The following USB1 variants were observed in gnomAD, a reference collection of about 807,000 sequenced individuals.
USB1 encodes U6 snRNA biogenesis phosphodiesterase 1.
Under a neutral mutation model 29.9 loss-of-function variants are expected in USB1, and 21 were observed. The observed-to-expected ratio is 0.70, with a 90% CI of 0.50 to 1.01. The LOEUF is 1.01. Among genes scored for constraint, USB1 ranks in the 50% least tolerant of loss-of-function variants. The probability of loss-of-function intolerance (pLI) is 0.00; values close to 1 mark genes in which losing one functional copy is unlikely to be tolerated. For synonymous variants in USB1, 143 were observed against 134.9 expected (o/e 1.06, Z -0.42); for missense variants, 330 against 347.1 (o/e 0.95, Z 0.39).
chr16:58,011,207 A>G, intron 3 of USB1: 1 of 1,514,294 alleles, frequency 6.6e-7, no homozygotes, highest in Non-Finnish European at 8.8e-7. Flanking sequence ...CAGGAACTGG[A>G]GGCTGAGACC....
Position 58,001,580 on chromosome 16 carries a change from C to T in USB1, c.97C>T (p.Arg33Cys). 1 of 1,604,646 alleles carries T rather than the reference C, an allele frequency of 6.2e-7. No homozygotes were observed. Among genetic ancestry groups the T allele is most frequent in the East Asian group, 2.2e-5 (1 of 44,456 alleles). ...RTRPGDGSHR[R>C]GQSPLPRQRF... ...CAGGCCGGGGGATGGGAGCCACCGT[C>T]GGTGAGGAGTGAGGAAGTCTCTCCG... is the stretch of plus-strand genomic sequence containing the variant. Residue 33 changes from arginine (R) to cysteine (C), a missense_variant and splice_region_variant, in exon 1 of 7, where the codon CGT becomes TGT. Physicochemically the swap from Arg to Cys is radical, Grantham distance 180. Coordinates refer to ENST00000219281, the MANE Select transcript of USB1 (RefSeq NM_024598.4).
intron 4 of USB1, among the ~76,000 whole-genome samples, chr16:58,014,668 A>C (rs1963574605): frequency 6.6e-6 from 1 of 152,172 alleles, no homozygotes; most frequent in Admixed American, 6.5e-5. Flanking sequence ...CTGTAGTTCC[A>C]GCTACTTGGG....
intron 3 of USB1, chr16:58,012,633 C>T (rs1036383044): frequency 1.8e-5 from 24 of 1,319,078 alleles, no homozygotes; most frequent in East Asian, 6.1e-5. Context: ...TGGTCTGACC[C>T]GTCTCCTGTG....
At chr16:58,006,653 T>C (rs1963367206) in intron 2 of USB1, among the ~76,000 whole-genome samples, 1 of 152,154 alleles carries the variant, frequency 6.6e-6, no homozygotes, top group Non-Finnish European at 1.5e-5. Context: ...AGCAAGACTC[T>C]GTCTTGGGGA....
intron 3 of USB1, chr16:58,011,278 A>C (rs1218062905): frequency 9.0e-6 from 13 of 1,440,226 alleles, no homozygotes; most frequent in Non-Finnish European, 1.2e-5. Context: ...GGTGGGAGCT[A>C]CCTCACTGGG....
intron 6 of USB1, 68 bp downstream of exon 6, chr16:58,019,123 G>C: frequency 6.5e-7 from 1 of 1,538,280 alleles, no homozygotes; most frequent in Non-Finnish European, 8.9e-7. Flanking sequence ...TGCTGGAGAG[G>C]GGGAGGATGA....
chr16:58,001,577 CG>C lies in USB1; in HGVS notation c.95del (p.Arg32LeufsTer19). 6.2e-7 allele frequency: 1 copy of C among 1,605,556 alleles called. No homozygotes were observed. Among genetic ancestry groups the C allele is most frequent in the Non-Finnish European group, 8.5e-7 (1 of 1,176,634 alleles). On this transcript the variant is annotated frameshift_variant, in exon 1 of 7. Transcript: ENST00000219281. LOFTEE classifies it high-confidence loss of function. ...GACCAGGCCGGGGGATGGGAGCCAC[CG>C]TCGGTGAGGAGTGAGGAAGTCTCTC... The part of the protein sequence containing the change: ...MRTRPGDGSH[R>X]RGQSPLPRQR...
intron 2 of USB1, among the ~76,000 whole-genome samples, chr16:58,009,270 C>T (rs1046901363): frequency 2.6e-5 from 4 of 152,162 alleles, no homozygotes; most frequent in South Asian, 2.1e-4. Flanking sequence ...ACTTCCCACA[C>T]GCTTCTCAGA....
chr16:58,015,471 C>A (rs1179905709), intron 4 of USB1: 7 of 152,164 alleles, frequency 4.6e-5, no homozygotes, highest in African/African-American at 1.7e-4. Flanking sequence ...CTGAAAGGGG[C>A]CTCATTTATT....
intron 2 of USB1, among the ~76,000 whole-genome samples, chr16:58,005,362 G>A (rs769314998): frequency 6.6e-5 from 10 of 152,110 alleles, no homozygotes; most frequent in African/African-American, 1.9e-4. Flanking sequence ...TGGCACTGAC[G>A]CTACCGTTAG....
rs1357447986 is a variant in USB1, at chr16:58,013,939, T to G, written c.450-334T>G. 1 of 294,188 alleles carries G rather than the reference T, an allele frequency of 3.4e-6. No individual in the cohort carries two copies. The highest frequency in any genetic ancestry group is 7.8e-5 in the East Asian group (1 of 12,842). The allele number at this position is 294,188 out of a possible 1,614,324, so 18.2% of individuals were successfully genotyped here. A position where few individuals can be genotyped will look rare whatever the true frequency, so the allele number is the denominator to read the frequency against. ...AAGAAATGAATCAGCTGTTAAGTGG[T>G]CCATTATCACCTACTTGATCAATAA... On this transcript the variant is annotated intron_variant, in intron 3 of 6. Coordinates refer to ENST00000219281, the MANE Select transcript of USB1 (RefSeq NM_024598.4). The surrounding 1 kb of genome is among the most constrained non-coding windows in gnomAD (Gnocchi z 4.3).
At chr16:58,001,670 G>A in intron 1 of USB1, 89 bp downstream of exon 1, 2 of 1,431,732 alleles carry the variant, frequency 1.4e-6, no homozygotes, top group Non-Finnish European at 1.9e-6. Flanking sequence ...AGTGGGGAGG[G>A]AGGATGCGGG....
intron 4 of USB1, 98 bp from the exon 5 acceptor site, chr16:58,017,236 C>T (rs1489891449): frequency 1.9e-6 from 2 of 1,080,876 alleles, no homozygotes; most frequent in Non-Finnish European, 2.9e-6. Flanking sequence ...ACCCACGGCC[C>T]AGGCCTCTTG....
At chr16:58,004,905 G>A (rs1451307635) in intron 2 of USB1, among the ~76,000 whole-genome samples, 1 of 152,172 alleles carries the variant, frequency 6.6e-6, no homozygotes, top group African/African-American at 2.4e-5. Context: ...GGCCTCGAAT[G>A]CCAGGCTGCG....
intron 2 of USB1, among the ~76,000 whole-genome samples, chr16:58,006,381 C>T (rs972630108): frequency 7.2e-6 from 1 of 138,970 alleles, no homozygotes; most frequent in Non-Finnish European, 1.6e-5. Context: ...AAAAAAAAAA[C>T]GGACACAGTG....
chr16:58,012,139 A>G (rs1288344560), intron 3 of USB1: 6 of 1,413,262 alleles, frequency 4.2e-6, no homozygotes, highest in Non-Finnish European at 5.5e-6. Flanking sequence ...CAACTAGGAA[A>G]CTGCTCAGTT....
chr16:58,018,424 A>G (rs554371147), intron 5 of USB1, among the ~76,000 whole-genome samples: 2 of 152,168 alleles, frequency 1.3e-5, no homozygotes, highest in African/African-American at 2.4e-5. Context: ...GGGTTTCACC[A>G]TGTTGGCCAG....
Position 58,001,560 on chromosome 16 carries a change from CG to C in USB1, c.82del (p.Asp28MetfsTer23). The C allele has an allele frequency of 6.2e-7, 1 of 1,608,742 alleles. No homozygotes were observed. ...TCCGAGGACGGGATGCGGACCAGGC[CG>C]GGGGATGGGAGCCACCGTCGGTGAG... ...DESEDGMRTRPGDGSHRRGQS... is the reference protein window; with the variant it reads ...DESEDGMRTRXGDGSHRRGQS... On this transcript the variant is annotated frameshift_variant, in exon 1 of 7. Transcript: ENST00000219281. LOFTEE classifies it high-confidence loss of function.
intron 3 of USB1, chr16:58,011,032 C>A (rs1490299733): frequency 1.1e-5 from 8 of 720,414 alleles, no homozygotes; most frequent in Non-Finnish European, 2.0e-5. Context: ...CATCCAGGAC[C>A]TCATTGCCTC....
Sources: gnomAD v4.1 joint callset for allele counts (sites outside exome capture counted in the v4.1 genomes callset) on GRCh38, gnomAD v4.1.1 for gene constraint, Gnocchi (gnomAD v3.1) non-coding constraint, MANE v1.5 for transcripts, NCBI Gene and HGNC (gene_info 2026-07-23, HGNC 2026-07-21) for gene names.